The following PAX7 variants were observed in gnomAD, a reference collection of about 807,000 sequenced individuals.
The protein encoded by PAX7 is paired box protein Pax-7.
Under a neutral mutation model 50.7 loss-of-function variants are expected in PAX7, and 18 were observed. The observed-to-expected ratio is 0.36, with a 90% CI of 0.25 to 0.53. The LOEUF (loss-of-function observed/expected upper bound fraction) is 0.53. Ranked by LOEUF, PAX7 falls within the 20% of genes least tolerant of loss-of-function variation. PAX7 has a pLI of 0.93. For missense variants in PAX7, 644 were observed against 702.9 expected, an observed-to-expected ratio of 0.92 and a Z score of 0.95; for synonymous variants, 310 against 290.4, an observed-to-expected ratio of 1.07 and a Z score of -0.69.
intron 4 of PAX7, among the ~76,000 whole-genome samples, chr1:18,683,930 C>G (rs548923086): frequency 1.3e-5 from 2 of 152,248 alleles, no homozygotes; most frequent in Non-Finnish European, 2.9e-5. Context: ...GAATACATAG[C>G]ACGTCTGTGA....
Position 18,726,015 on chromosome 1 carries a change from T to C in PAX7, c.1156-9617T>C, listed in dbSNP as rs545087219. ...GTGTGCGCGCGCGCGCGTGCGCGCG[T>C]GTGTGTGCGTGTGTTTGTGTGTGTG... On this transcript the variant is annotated intron_variant, in intron 7 of 8. Transcript: ENST00000420770. The surrounding 1 kb of genome is among the most constrained non-coding windows in gnomAD (Gnocchi z 4.8). 3.3e-5 allele frequency among the ~76,000 whole-genome samples: 5 copies of C among 150,658 alleles called. No homozygotes were observed. The East Asian group carries it at 5.8e-4, about 18-fold the overall frequency.
chr1:18,687,827 C>T (rs1438159595), intron 4 of PAX7, among the ~76,000 whole-genome samples: 2 of 152,068 alleles, frequency 1.3e-5, no homozygotes, highest in Non-Finnish European at 2.9e-5. Context: ...TTGGCCTTCC[C>T]CAGTCTGGGC....
intron 8 of PAX7, among the ~76,000 whole-genome samples, chr1:18,742,590 A>G (rs371849260): frequency 1.3e-5 from 2 of 152,308 alleles, no homozygotes. Flanking sequence ...ACACAGAGTA[A>G]GGGGCAGACC....
At chr1:18,654,276 G>A (rs753444838) in intron 4 of PAX7, among the ~76,000 whole-genome samples, 2 of 151,568 alleles carry the variant, frequency 1.3e-5, no homozygotes, top group Non-Finnish European at 1.5e-5. Context: ...AGAACACTTC[G>A]CTCAAGTGCA....
At chr1:18,732,237 T>G (rs1216648831) in intron 7 of PAX7, among the ~76,000 whole-genome samples, 1 of 152,238 alleles carries the variant, frequency 6.6e-6, no homozygotes, top group African/African-American at 2.4e-5. Context: ...ATTGTCAGCT[T>G]CGTTCCTTAG....
intron 5 of PAX7, among the ~76,000 whole-genome samples, chr1:18,692,410 C>T (rs979303975): frequency 2.6e-5 from 4 of 152,104 alleles, no homozygotes; most frequent in Non-Finnish European, 1.5e-5. Context: ...GGCTTGGTGA[C>T]GGGCACCCGT....
chr1:18,741,407 A>G (rs1225636457), intron 8 of PAX7, among the ~76,000 whole-genome samples: 1 of 152,012 alleles, frequency 6.6e-6, no homozygotes, highest in Non-Finnish European at 1.5e-5. Context: ...CCAAGATTGC[A>G]CTGTTGCACT....
rs1251890921 is a variant in PAX7 at position 18,631,493 on chromosome 1, T to TA, written c.-103dup. The TA allele has an allele frequency of 1.2e-4, 112 of 916,418 alleles. 2 individuals are homozygous for TA. Among genetic ancestry groups the TA allele is most frequent in the South Asian group, 4.2e-4 (29 of 68,598 alleles). 56.8% of individuals were successfully genotyped at this position (916,418 alleles called of 1,614,324 possible). On this transcript the variant is annotated 5_prime_UTR_variant, in exon 1 of 9. Transcript: ENST00000420770. The stretch of plus-strand genomic sequence containing the variant: ...TGTGTGGAGGGGAGGGAGAAGAGGT[T>TA]AAAAAAAAGAAGACGAAGAAGACGG...
At chr1:18,682,779 A>G (rs551010210) in intron 4 of PAX7, among the ~76,000 whole-genome samples, 3 of 152,232 alleles carry the variant, frequency 2.0e-5, no homozygotes, top group African/African-American at 7.2e-5. Context: ...CTGCCTGGGA[A>G]GGGGAGAGAG....
rs1161375943 is a variant in PAX7 at position 18,645,182 on chromosome 1, C to CGGGGCT, written c.586+8819_586+8824dup. Among the ~76,000 whole-genome samples the CGGGGCT allele has an allele frequency of 9.9e-5, 15 of 152,282 alleles. No homozygotes were observed. In the East Asian group the frequency reaches 2.9e-3, roughly 30 times the overall value. On this transcript the variant is annotated intron_variant, in intron 4 of 8. Coordinates refer to ENST00000420770, the MANE Select transcript of PAX7 (RefSeq NM_001135254.2). ...TGCGCACGACAGCAGAGTGTGTTTGCGGGGCTGGGGCTGAATTTGGCAGCC... is the reference window on the plus strand; with the variant it reads ...TGCGCACGACAGCAGAGTGTGTTTGCGGGGCTGGGGCTGGGGCTGAATTTGGCAGCC...
At chr1:18,669,219 C>T (rs2088709257) in intron 4 of PAX7, among the ~76,000 whole-genome samples, 1 of 152,194 alleles carries the variant, frequency 6.6e-6, no homozygotes, top group African/African-American at 2.4e-5. Flanking sequence ...AGCCCAAGGG[C>T]ACCAGGATTC....
rs2089568315 is a variant in PAX7, at chr1:18,726,145, A to AGAGTGTGTGT, written c.1156-9486_1156-9485insAGTGTGTGTG. Among the ~76,000 whole-genome samples the AGAGTGTGTGT allele has an allele frequency of 7.3e-6, 1 of 137,498 alleles. No homozygotes were observed. The highest frequency in any genetic ancestry group is 2.7e-5 in the African/African-American group (1 of 36,582). 90.2% of individuals were successfully genotyped at this position (137,498 alleles called of 152,430 possible). ...ATAAAACAGACATTGGAAGAGTGTG[A>AGAGTGTGTGT]GTGTGTGTGTGTGTGTGTGTGTGTG... On this transcript the variant is annotated intron_variant, in intron 7 of 8. Transcript: ENST00000420770. The surrounding 1 kb of genome is among the most constrained non-coding windows in gnomAD (Gnocchi z 4.8).
At chr1:18,644,635 T>A (rs1424739718) in intron 4 of PAX7, among the ~76,000 whole-genome samples, 1 of 152,116 alleles carries the variant, frequency 6.6e-6, no homozygotes, top group Non-Finnish European at 1.5e-5. Context: ...AGGGAGCTTC[T>A]GATTCCAGCA....
At position 18,700,668 on chromosome 1, in the gene PAX7, C is replaced by T. The variant is rs1357351947; in HGVS notation, c.802C>T (p.Arg268Cys). 3.8e-6 allele frequency: 6 copies of T among 1,564,422 alleles called. No individual in the cohort carries two copies. Among genetic ancestry groups the T allele is most frequent in the East Asian group, 2.5e-5 (1 of 40,352 alleles). ...CACCTCCCAGGTCTGGTTCAGTAACCGCCGCGCCCGTTGGCGTAAGCAGGC... is the reference window on the plus strand; with the variant it reads ...CACCTCCCAGGTCTGGTTCAGTAACTGCCGCGCCCGTTGGCGTAAGCAGGC... Reference protein sequence around the residue: ...EARVQVWFSNRRARWRKQAGA... With the variant: ...EARVQVWFSNCRARWRKQAGA... The change falls in exon 6 of 9, where the codon CGC becomes TGC. Residue 268 changes from arginine to cysteine, a missense_variant. Transcript: ENST00000420770. This position sits in a 1 kb window ranked among gnomAD's most constrained non-coding sequence, Gnocchi z 4.8.
chr1:18,643,666 G>C (rs1334823470), intron 4 of PAX7, among the ~76,000 whole-genome samples: 1 of 152,200 alleles, frequency 6.6e-6, no homozygotes, highest in Non-Finnish European at 1.5e-5. Flanking sequence ...GGGGAAGATA[G>C]GAGGCGGGCG....
intron 4 of PAX7, among the ~76,000 whole-genome samples, chr1:18,690,403 G>A (rs1288066003): frequency 3.9e-5 from 6 of 152,240 alleles, no homozygotes; most frequent in African/African-American, 1.4e-4. Flanking sequence ...CCCAGGGGCT[G>A]CTGAGGGGCA....
intron 4 of PAX7, among the ~76,000 whole-genome samples, chr1:18,679,391 G>A (rs1357653486): frequency 6.6e-6 from 1 of 152,228 alleles, no homozygotes; most frequent in Non-Finnish European, 1.5e-5. Context: ...TGGCCTCTCA[G>A]GCATATGGTC....
intron 4 of PAX7, among the ~76,000 whole-genome samples, chr1:18,673,197 G>A (rs2088777598): frequency 6.6e-6 from 1 of 152,156 alleles, no homozygotes; most frequent in Non-Finnish European, 1.5e-5. Flanking sequence ...CTCTTCTTTA[G>A]GACTGGTTTA....
At position 18,631,468 on chromosome 1, in the gene PAX7, T is replaced by G; in HGVS notation, c.-136T>G. On this transcript the variant is annotated 5_prime_UTR_variant, in exon 1 of 9. Coordinates refer to ENST00000420770, the MANE Select transcript of PAX7 (RefSeq NM_001135254.2). ...GGGTGGGGGGTGGGGGTAGGGAGTG[T>G]GTGTGGAGGGGAGGGAGAAGAGGTT... 4 of 688,238 alleles carry G rather than the reference T, an allele frequency of 5.8e-6. No homozygotes were observed. Among genetic ancestry groups the G allele is most frequent in the Non-Finnish European group, 7.7e-6 (3 of 390,974 alleles). 42.6% of individuals were successfully genotyped at this position (688,238 alleles called of 1,614,324 possible). A position where few individuals can be genotyped will look rare whatever the true frequency, so the allele number is the denominator to read the frequency against.
Sources: allele counts gnomAD v4.1 joint callset (sites outside exome capture counted in the v4.1 genomes callset), GRCh38; gene constraint gnomAD v4.1.1; non-coding constraint Gnocchi (gnomAD v3.1); transcripts MANE v1.5; gene names NCBI Gene and HGNC (gene_info 2026-07-23, HGNC 2026-07-21).